RGS22: variants seen among roughly 807,000 people sequenced by gnomAD.
RGS22 encodes regulator of G-protein signaling 22.
In RGS22, 148 loss-of-function variants were observed where a neutral mutation model predicts 172.9. The observed-to-expected ratio is 0.86, with a 90% CI of 0.75 to 0.98. RGS22 has a LOEUF of 0.98. RGS22 is among the 50% of genes least tolerant of loss of function. The pLI is 0.00. For synonymous variants in RGS22, 458 were observed against 480.2 expected, an observed-to-expected ratio of 0.95 and a Z score of 0.60; for missense variants, 1,347 against 1,440.8, an observed-to-expected ratio of 0.93 and a Z score of 1.05.
intron 14 of RGS22, among the ~76,000 whole-genome samples, chr8:100,011,543 C>T (rs767127686): frequency 2.6e-5 from 4 of 152,086 alleles, no homozygotes; most frequent in Non-Finnish European, 5.9e-5. Flanking sequence ...CTTATAATTA[C>T]CTATAAATGG....
At chr8:100,079,922 A>G (rs1169150773) in intron 4 of RGS22, among the ~76,000 whole-genome samples, 1 of 152,212 alleles carries the variant, frequency 6.6e-6, no homozygotes, top group South Asian at 2.1e-4. Flanking sequence ...TTCAAGGTAA[A>G]TTATATGAAT....
Position 99,987,585 on chromosome 8 carries a change from T to C in RGS22, c.3053A>G (p.Lys1018Arg), listed in dbSNP as rs1445785122. 6.2e-7 allele frequency: 1 copy of C among 1,609,450 alleles called. No homozygotes were observed. Among genetic ancestry groups the C allele is most frequent in the Admixed American group, 1.7e-5 (1 of 59,788 alleles). Residue 1018 changes from lysine to arginine, a missense_variant, in exon 21 of 28, where the codon AAA becomes AGA. Coordinates refer to ENST00000360863, the MANE Select transcript of RGS22 (RefSeq NM_015668.5). ...VESKWISSSC[K>R]IIAFRKALLN... is the part of the protein sequence containing the mutation. ...TAATGCTTTGCGAAAAGCAATGATT[T>C]TACAAGATGAAGAGATCCACTTACT...
chr8:100,079,341 T>A (rs10111694), intron 4 of RGS22, among the ~76,000 whole-genome samples: 29,227 of 152,120 alleles, frequency 0.19, 3,026 homozygotes, highest in African/African-American at 0.26. Flanking sequence ...CTATTAGCAT[T>A]TAGTTTGATG....
At chr8:99,964,432 C>T (rs555603702) in intron 24 of RGS22, among the ~76,000 whole-genome samples, 8 of 144,692 alleles carry the variant, frequency 5.5e-5, no homozygotes, top group African/African-American at 1.8e-4. Flanking sequence ...AAAGAGTTAT[C>T]GTACCAGTGC....
intron 2 of RGS22, among the ~76,000 whole-genome samples, chr8:100,105,027 T>C (rs1018818447): frequency 2.0e-5 from 3 of 152,244 alleles, no homozygotes; most frequent in South Asian, 2.1e-4. Context: ...CATTTACTTA[T>C]GTTTACTCCA....
chr8:100,101,180 T>C (rs1017412779), intron 2 of RGS22, among the ~76,000 whole-genome samples: 10 of 152,188 alleles, frequency 6.6e-5, no homozygotes, highest in African/African-American at 1.9e-4. Context: ...TAATGCACTC[T>C]ATTTTAATGA....
At chr8:100,047,065 C>G (rs919275731) in intron 11 of RGS22, among the ~76,000 whole-genome samples, 1 of 152,100 alleles carries the variant, frequency 6.6e-6, no homozygotes, top group Non-Finnish European at 1.5e-5. Context: ...ATCTGCCTGC[C>G]CTGGTCTCCA....
chr8:99,967,553 C>T (rs773337172), intron 23 of RGS22, among the ~76,000 whole-genome samples: 2 of 152,128 alleles, frequency 1.3e-5, no homozygotes, highest in Non-Finnish European at 1.5e-5. Flanking sequence ...GGGGGAGGGG[C>T]GTCTGCCATT....
intron 2 of RGS22, among the ~76,000 whole-genome samples, chr8:100,101,606 T>G (rs995846821): frequency 6.6e-6 from 1 of 151,890 alleles, no homozygotes; most frequent in African/African-American, 2.4e-5. Flanking sequence ...AATTTTAATG[T>G]GTAAATTTTG....
At chr8:100,060,402 G>GTGTATATATATA (rs1193942289) in intron 9 of RGS22, among the ~76,000 whole-genome samples, 2 of 102,934 alleles carry the variant, frequency 1.9e-5, no homozygotes, top group African/African-American at 6.2e-5. Context: ...TTAGCTACGT[G>GTGTATATATATA]TATATATATA....
chr8:100,052,933 C>A lies in RGS22; in HGVS notation c.1558G>T (p.Ala520Ser). Residue 520 changes from alanine (A) to serine (S), a missense_variant, in exon 10 of 28, where the codon GCT becomes TCT. Physicochemically the swap from Ala to Ser is moderately conservative, Grantham distance 99. Transcript: ENST00000360863. The part of the protein sequence containing the change: ...CVTHSASTKY[A>S]SAELKFWHLR... ...TGCCAGAATTTCAGTTCAGCACTAG[C>A]ATATTTTGTTGAGGCTGAATGAGTA... is the stretch of plus-strand genomic sequence containing the variant. The A allele has an allele frequency of 6.2e-7, 1 of 1,614,012 alleles. No homozygotes were observed.
intron 2 of RGS22, among the ~76,000 whole-genome samples, chr8:100,093,878 CATAAAA>C (rs1415910924): frequency 1.3e-5 from 2 of 152,208 alleles, no homozygotes; most frequent in African/African-American, 4.8e-5. Flanking sequence ...ATACATATTT[CATAAAA>C]ATAAAGGCAG....
chr8:100,039,791 A>C (rs1819915259), intron 13 of RGS22, among the ~76,000 whole-genome samples, 171 bp downstream of exon 13: 1 of 152,122 alleles, frequency 6.6e-6, no homozygotes, highest in Non-Finnish European at 1.5e-5. Flanking sequence ...GATGAGCAAA[A>C]GAATTATAAT....
At chr8:100,059,932 C>G (rs558030929) in intron 9 of RGS22, among the ~76,000 whole-genome samples, 11 of 152,186 alleles carry the variant, frequency 7.2e-5, no homozygotes, top group African/African-American at 2.7e-4. Flanking sequence ...TACTGTGTTG[C>G]CCAGGCTGGT....
chr8:100,102,364 A>G (rs931895646), intron 2 of RGS22, among the ~76,000 whole-genome samples: 2 of 152,240 alleles, frequency 1.3e-5, no homozygotes, highest in Non-Finnish European at 2.9e-5. Flanking sequence ...TGGGTCTGAT[A>G]TCTACCATGG....
At chr8:100,105,876 C>G (rs1006203472) in intron 1 of RGS22, 21 bp downstream of exon 1, 1 of 1,504,790 alleles carries the variant, frequency 6.6e-7, no homozygotes, top group Non-Finnish European at 8.9e-7. Flanking sequence ...GATCCTCTGT[C>G]CCTGTGGGGC....
chr8:100,091,419 G>A (rs1273335959), intron 3 of RGS22, among the ~76,000 whole-genome samples: 2 of 151,882 alleles, frequency 1.3e-5, no homozygotes, highest in African/African-American at 4.8e-5. Context: ...TGCTCAGGAG[G>A]GATAAAAACA....
At chr8:100,001,219 T>TATACAC (rs1402594104) in intron 18 of RGS22, among the ~76,000 whole-genome samples, 1 of 132,966 alleles carries the variant, frequency 7.5e-6, no homozygotes, top group African/African-American at 2.8e-5. Context: ...TATATATATA[T>TATACAC]ACATATATAT....
chr8:100,017,756 T>C (rs1213635915), intron 14 of RGS22, among the ~76,000 whole-genome samples: 5 of 152,216 alleles, frequency 3.3e-5, no homozygotes, highest in African/African-American at 1.2e-4. Context: ...TTATACTATA[T>C]GATATATAAA....
Sources: allele counts gnomAD v4.1 joint callset (sites outside exome capture counted in the v4.1 genomes callset), GRCh38; gene constraint gnomAD v4.1.1; transcripts MANE v1.5; gene names NCBI Gene and HGNC (gene_info 2026-07-23, HGNC 2026-07-21).